Variants in DENND10 observed in about 807,000 individuals in gnomAD.
The protein encoded by DENND10 is DENN domain-containing protein 10.
In DENND10, 24 loss-of-function variants were observed where a neutral mutation model predicts 43.6. The observed-to-expected ratio is 0.55, with a 90% confidence interval of 0.40 to 0.77. The LOEUF (loss-of-function observed/expected upper bound fraction) is 0.77. Among genes scored for constraint, DENND10 ranks in the 30% least tolerant of loss-of-function variants. The pLI, the probability that DENND10 is intolerant of heterozygous loss-of-function variation, is 0.00. For synonymous variants in DENND10, 125 were observed against 157.6 expected (o/e 0.79, Z 1.55); for missense variants, 303 against 429.9 (o/e 0.70, Z 2.61).
At chr10:119,124,983 T>C (rs550114472) in intron 6 of DENND10, among the ~76,000 whole-genome samples, 1 of 152,290 alleles carries the variant, frequency 6.6e-6, no homozygotes, top group African/African-American at 2.4e-5. Context: ...TTTTTGTTTT[T>C]TTCTTGGGAC....
intron 7 of DENND10, among the ~76,000 whole-genome samples, chr10:119,131,918 A>T (rs532449798): frequency 2.3e-4 from 35 of 152,360 alleles, no homozygotes; most frequent in African/African-American, 7.9e-4. Flanking sequence ...GTCTATAAAA[A>T]TGGGCTCATC....
At position 119,109,760 on chromosome 10, in the gene DENND10, A is replaced by G. The variant is rs139623493; in HGVS notation, c.252+1596A>G. Reference sequence around the variant, plus strand: ...CAGCGTCCTGAGTAGCTGGGATTACAGGCATTCGCCACCACGTCCAGCTAA... The same window carrying G: ...CAGCGTCCTGAGTAGCTGGGATTACGGGCATTCGCCACCACGTCCAGCTAA... On this transcript the variant is annotated intron_variant, in intron 2 of 8. Coordinates refer to ENST00000361432, the MANE Select transcript of DENND10 (RefSeq NM_207009.4). Among the ~76,000 whole-genome samples the G allele has an allele frequency of 9.9e-4, 150 of 151,924 alleles. 1 individual carries two copies. The East Asian group carries it at 0.027, about 27-fold the overall frequency.
chr10:119,121,794 G>C (rs760697088), intron 5 of DENND10, among the ~76,000 whole-genome samples: 2 of 151,744 alleles, frequency 1.3e-5, no homozygotes, highest in Non-Finnish European at 2.9e-5. Context: ...ATTCGTGTTG[G>C]GTTTACTGTA....
At position 119,116,771 on chromosome 10, in the gene DENND10, C is replaced by T. The variant is rs375867402; in HGVS notation, c.333-748C>T. Among the ~76,000 whole-genome samples the T allele has an allele frequency of 2.3e-4, 35 of 149,934 alleles. No homozygotes were observed. In the South Asian group the frequency reaches 4.4e-3, roughly 19 times the overall value. On this transcript the variant is annotated intron_variant, in intron 3 of 8. Coordinates refer to ENST00000361432, the MANE Select transcript of DENND10 (RefSeq NM_207009.4). ...GTAACCTCTGCCTCCCTGGTTCAAG[C>T]GACAATCCTGCCTCAGCCTCCTGAG... is the stretch of plus-strand genomic sequence containing the variant.
At chr10:119,125,585 A>G (rs983069996) in intron 6 of DENND10, among the ~76,000 whole-genome samples, 1 of 132,976 alleles carries the variant, frequency 7.5e-6, no homozygotes, top group Non-Finnish European at 1.5e-5. Flanking sequence ...TCAGCATACT[A>G]CGGCCTCCAC....
chr10:119,105,474 G>T (rs944368656), intron 1 of DENND10: 5 of 1,087,548 alleles, frequency 4.6e-6, no homozygotes, highest in East Asian at 6.9e-5. Context: ...TTGTGGAGAT[G>T]GGATACCGAC....
intron 5 of DENND10, among the ~76,000 whole-genome samples, chr10:119,122,108 A>G (rs1302222055): frequency 6.6e-6 from 1 of 152,076 alleles, no homozygotes; most frequent in African/African-American, 2.4e-5. Context: ...GAAGTTCAGG[A>G]CCAGACTGGG....
chr10:119,105,862 A>C (rs530783554), intron 1 of DENND10, among the ~76,000 whole-genome samples: 1 of 152,008 alleles, frequency 6.6e-6, no homozygotes, highest in Non-Finnish European at 1.5e-5. Context: ...AGCATGGGTG[A>C]CAGAGTGAGA....
At chr10:119,104,598 C>T (rs1844596508) in intron 1 of DENND10, among the ~76,000 whole-genome samples, 1 of 149,544 alleles carries the variant, frequency 6.7e-6, no homozygotes, top group Non-Finnish European at 1.5e-5. Context: ...CGGCGCGGCG[C>T]GGCGCGGCGG....
intron 2 of DENND10, 141 bp from the exon 3 acceptor site, chr10:119,111,708 G>A: frequency 4.9e-6 from 3 of 609,172 alleles, no homozygotes; most frequent in Non-Finnish European, 8.7e-6. Flanking sequence ...GTATAAAGAA[G>A]CAAGTGAGGA....
At chr10:119,120,162 C>T (rs1226545618) in intron 4 of DENND10, among the ~76,000 whole-genome samples, 179 bp from the exon 5 acceptor site, 1 of 151,732 alleles carries the variant, frequency 6.6e-6, no homozygotes, top group Non-Finnish European at 1.5e-5. Flanking sequence ...GCAGGAGAAT[C>T]GCTTGAGCCC....
At chr10:119,116,219 C>T (rs1490021973) in intron 3 of DENND10, among the ~76,000 whole-genome samples, 1 of 152,192 alleles carries the variant, frequency 6.6e-6, no homozygotes, top group Non-Finnish European at 1.5e-5. Context: ...ACGGATTCCA[C>T]ATGTGAGCTA....
intron 6 of DENND10, among the ~76,000 whole-genome samples, chr10:119,125,159 A>G (rs1430440579): frequency 6.6e-6 from 1 of 151,862 alleles, no homozygotes; most frequent in Non-Finnish European, 1.5e-5. Flanking sequence ...TTTAGTAGAG[A>G]CAGGGTTTCT....
chr10:119,104,332 G>A, intron 1 of DENND10, 135 bp downstream of exon 1: 1 of 800,286 alleles, frequency 1.2e-6, no homozygotes, highest in South Asian at 2.0e-5. Context: ...TCCCTGTTGG[G>A]CCTGGACTGG....
intron 5 of DENND10, among the ~76,000 whole-genome samples, chr10:119,120,897 CT>C (rs947345319): frequency 3.9e-4 from 59 of 150,042 alleles, no homozygotes; most frequent in African/African-American, 1.1e-3. Context: ...ATCAAAGACT[CT>C]TTTTTTTTTC....
In DENND10 at chr10:119,123,666, A is replaced by G. The variant is rs1313135504; in HGVS notation, c.694+97A>G. On this transcript the variant is annotated intron_variant, in intron 6 of 8. Coordinates refer to ENST00000361432, the MANE Select transcript of DENND10 (RefSeq NM_207009.4). Reference sequence around the variant, plus strand: ...CTCTTGTTGCCCAGGATGGAGTGCAATGGCACGATCTTAGCTCACCGCAAC... The same window carrying G: ...CTCTTGTTGCCCAGGATGGAGTGCAGTGGCACGATCTTAGCTCACCGCAAC... The G allele has an allele frequency of 4.3e-6, 4 of 921,378 alleles. No homozygotes were observed. The East Asian group carries it at 1.1e-4, about 24-fold the overall frequency. The allele number at this position is 921,378 out of a possible 1,614,324, so 57.1% of individuals were successfully genotyped here.
chr10:119,131,412 C>A (rs538356537), intron 7 of DENND10, among the ~76,000 whole-genome samples: 2 of 152,122 alleles, frequency 1.3e-5, no homozygotes, highest in African/African-American at 4.8e-5. Flanking sequence ...GAGCCGAGAT[C>A]GCGCCACTGC....
intron 5 of DENND10, 36 bp from the exon 6 acceptor site, chr10:119,123,433 C>T (rs779566494): frequency 6.7e-7 from 1 of 1,490,986 alleles, no homozygotes; most frequent in South Asian, 1.1e-5. Flanking sequence ...AAGGTGTGGA[C>T]CAGCAACAAC....
chr10:119,136,540 GAA>G lies in DENND10; in HGVS notation c.970_971del (p.Lys324GlufsTer4), dbSNP rs752191402. 2 of 1,586,822 alleles carry G rather than the reference GAA, an allele frequency of 1.3e-6. No homozygotes were observed. The highest frequency in any genetic ancestry group is 1.7e-6 in the Non-Finnish European group (2 of 1,172,526). On this transcript the variant is annotated frameshift_variant, in exon 9 of 9. Transcript: ENST00000361432. LOFTEE classifies it high-confidence loss of function. ...GTTTTCAGAAGTTTCGGCTGATGGA[GAA>G]AAGAGAGTCCTTAATTTGGAGGCGC... ...APFSEVSADG[E>X]KRVLNLEALK...
Sources: gnomAD v4.1 joint callset for allele counts (sites outside exome capture counted in the v4.1 genomes callset) on GRCh38, gnomAD v4.1.1 for gene constraint, MANE v1.5 for transcripts, NCBI Gene and HGNC (gene_info 2026-07-23, HGNC 2026-07-21) for gene names.